Variants in XKR4 observed in about 807,000 individuals in gnomAD.
XKR4 encodes the protein XK related 4.
Under a neutral mutation model 53.9 loss-of-function variants are expected in XKR4, and 12 were observed. The ratio of observed to expected loss-of-function variants is 0.22; its 90% CI spans 0.14 to 0.36. The LOEUF is 0.36. Among genes scored for constraint, XKR4 ranks in the 10% least tolerant of loss-of-function variants. XKR4 has a pLI of 1.00. For synonymous variants in XKR4, 354 were observed against 362.4 expected (o/e 0.98, Z 0.26); for missense variants, 799 against 859.5 (o/e 0.93, Z 0.88).
At chr8:55,403,668 C>T (rs1201025848) in intron 2 of XKR4, among the ~76,000 whole-genome samples, 2 of 152,196 alleles carry the variant, frequency 1.3e-5, no homozygotes, top group Non-Finnish European at 2.9e-5. Flanking sequence ...AGATGCCTGT[C>T]GATACAGTTT....
chr8:55,494,194 T>C (rs549059519), intron 2 of XKR4, among the ~76,000 whole-genome samples: 99 of 152,340 alleles, frequency 6.5e-4, no homozygotes, highest in Non-Finnish European at 1.2e-3. Flanking sequence ...AGGCACTGGC[T>C]CCCTGTGAGG....
chr8:55,498,454 A>G (rs951620479), intron 2 of XKR4, among the ~76,000 whole-genome samples: 4 of 152,180 alleles, frequency 2.6e-5, no homozygotes, highest in African/African-American at 9.7e-5. Flanking sequence ...GGAAGGTTAC[A>G]GTCTCCAGGG....
At chr8:55,510,005 C>G (rs1246928692) in intron 2 of XKR4, among the ~76,000 whole-genome samples, 3 of 152,174 alleles carry the variant, frequency 2.0e-5, no homozygotes, top group Non-Finnish European at 4.4e-5. Context: ...CTCCCCTACT[C>G]CCAGCACAGT....
chr8:55,314,797 C>T (rs766965983), intron 1 of XKR4, among the ~76,000 whole-genome samples: 10 of 152,190 alleles, frequency 6.6e-5, no homozygotes, highest in Admixed American at 2.6e-4. Context: ...CTCTGAACCT[C>T]AATTTTCCCA....
chr8:55,349,553 G>A (rs2658902), intron 1 of XKR4, among the ~76,000 whole-genome samples: 1 of 152,066 alleles, frequency 6.6e-6, no homozygotes, highest in Admixed American at 6.6e-5. Flanking sequence ...CAGTGATTTT[G>A]TTACCACGGT....
chr8:55,382,637 G>A (rs140382989), intron 2 of XKR4, among the ~76,000 whole-genome samples: 1 of 152,134 alleles, frequency 6.6e-6, no homozygotes, highest in South Asian at 2.1e-4. Flanking sequence ...GCATCTTAAG[G>A]GGGGGAAATT....
At chr8:55,463,427 C>T (rs548259352) in intron 2 of XKR4, among the ~76,000 whole-genome samples, 13 of 151,090 alleles carry the variant, frequency 8.6e-5, no homozygotes, top group East Asian at 1.9e-4. Context: ...TTGAAACCAA[C>T]GAGAACAAAG....
At chr8:55,285,815 T>C (rs1818900500) in intron 1 of XKR4, among the ~76,000 whole-genome samples, 1 of 152,228 alleles carries the variant, frequency 6.6e-6, no homozygotes, top group African/African-American at 2.4e-5. Context: ...CAACTGTTTC[T>C]GAACGTGTTT....
At chr8:55,289,852 GA>G (rs1818991258) in intron 1 of XKR4, among the ~76,000 whole-genome samples, 5 of 1,892 alleles carry the variant, frequency 2.6e-3, no homozygotes, top group Non-Finnish European at 0.015. Flanking sequence ...AAGAAAGAAG[GA>G]AAGAAAGAAA....
Position 55,524,009 on chromosome 8 carries a change from G to A in XKR4, c.1735G>A (p.Ala579Thr). The A allele has an allele frequency of 6.2e-7, 1 of 1,614,134 alleles. No homozygotes were observed. Among genetic ancestry groups the A allele is most frequent in the Non-Finnish European group, 8.5e-7 (1 of 1,180,032 alleles). Residue 579 changes from alanine (A) to threonine (T), a missense_variant, in exon 3 of 3, where the codon GCC (alanine) becomes ACC (threonine). By Grantham distance (58) the Ala-to-Thr change is moderately conservative (BLOSUM62 0). This residue lies in a region of XKR4 where 269 missense variants were observed against 264.4 expected (regional missense o/e 1.02). Coordinates refer to ENST00000327381, the MANE Select transcript of XKR4 (RefSeq NM_052898.2). ...CVPVFQVRPT[A>T]PSTPSSRPPR... ...ACCTGTCTTTCAAGTGAGGCCCACT[G>A]CCCCATCCACCCCATCATCTCGCCC... is the stretch of plus-strand genomic sequence containing the variant.
Position 55,538,623 on chromosome 8 carries a change from T to C in XKR4, c.*14396T>C, listed in dbSNP as rs921284019. 6.6e-6 allele frequency: 1 copy of C among 152,240 alleles called. No individual in the cohort carries two copies. Among genetic ancestry groups the C allele is most frequent in the Non-Finnish European group, 1.5e-5 (1 of 68,038 alleles). The allele number at this position is 152,240 out of a possible 1,614,324, so 9.4% of individuals were successfully genotyped here. A position where few individuals can be genotyped will look rare whatever the true frequency, so the allele number is the denominator to read the frequency against. ...GTTAACCAAACTGAATTTTATTAAA[T>C]GTTTATTAAAATGCACCCAGAAAAC... is the stretch of plus-strand genomic sequence containing the variant. On this transcript the variant is annotated 3_prime_UTR_variant, in exon 3 of 3. Transcript: ENST00000327381.
intron 2 of XKR4, among the ~76,000 whole-genome samples, chr8:55,430,843 G>T (rs889353890): frequency 6.6e-6 from 1 of 152,144 alleles, no homozygotes; most frequent in Non-Finnish European, 1.5e-5. Flanking sequence ...ATAGGATTAG[G>T]ACTCACCCTT....
At chr8:55,179,824 T>A (rs889975388) in intron 1 of XKR4, among the ~76,000 whole-genome samples, 2 of 152,220 alleles carry the variant, frequency 1.3e-5, no homozygotes, top group Non-Finnish European at 2.9e-5. Flanking sequence ...CCTTTTTTAT[T>A]TATCTTCTGT....
intron 1 of XKR4, among the ~76,000 whole-genome samples, chr8:55,204,367 C>T (rs1286437713): frequency 2.0e-5 from 3 of 151,952 alleles, no homozygotes; most frequent in African/African-American, 4.8e-5. Context: ...ATTTAGCCAC[C>T]GAAATACTTA....
At chr8:55,337,314 C>T (rs941251640) in intron 1 of XKR4, among the ~76,000 whole-genome samples, 9 of 152,178 alleles carry the variant, frequency 5.9e-5, no homozygotes, top group African/African-American at 2.2e-4. Context: ...TTAATCAAGT[C>T]ATGGGGTTTT....
In XKR4 at chr8:55,284,996, C is replaced by T. The variant is rs181243164; in HGVS notation, c.807-72682C>T. 1.6e-3 allele frequency among the ~76,000 whole-genome samples: 237 copies of T among 152,294 alleles called. 2 individuals are homozygous for T. Among genetic ancestry groups the T allele is most frequent in the African/African-American group, 5.1e-3 (210 of 41,568 alleles). On this transcript the variant is annotated intron_variant, in intron 1 of 2. Transcript: ENST00000327381. ...CAATCTCTCGCTTTGCTGCCCCAAA[C>T]GCTCAGGCTCTTTTAAATACAGCAG...
chr8:55,472,671 A>G (rs1805908202), intron 2 of XKR4, among the ~76,000 whole-genome samples: 2 of 152,078 alleles, frequency 1.3e-5, no homozygotes, highest in African/African-American at 4.8e-5. Flanking sequence ...GTCATATTCC[A>G]GAGAGATTTG....
chr8:55,449,027 G>C (rs1805383712), intron 2 of XKR4, among the ~76,000 whole-genome samples: 2 of 151,464 alleles, frequency 1.3e-5, no homozygotes, highest in Admixed American at 6.6e-5. Flanking sequence ...TATATAAATA[G>C]TAAATGACTT....
intron 2 of XKR4, among the ~76,000 whole-genome samples, chr8:55,372,185 G>A (rs1039161772): frequency 3.9e-5 from 6 of 152,206 alleles, no homozygotes; most frequent in African/African-American, 1.4e-4. Context: ...GCATCAATAA[G>A]GAGCTGTCTG....
Sources: gnomAD v4.1 joint callset for allele counts (sites outside exome capture counted in the v4.1 genomes callset) on GRCh38, gnomAD v4.1.1 for gene constraint, gnomAD v4.1.1 regional missense constraint, MANE v1.5 for transcripts, NCBI Gene and HGNC (gene_info 2026-07-23, HGNC 2026-07-21) for gene names.